TMEM229B: variants seen among roughly 807,000 people sequenced by gnomAD.
TMEM229B encodes the protein chromosome 14 open reading frame 83.
In TMEM229B, 6 loss-of-function variants were observed where a neutral mutation model predicts 13.7. The ratio of observed to expected loss-of-function variants is 0.44; its 90% CI spans 0.24 to 0.86. TMEM229B has a LOEUF of 0.86. TMEM229B is among the 40% of genes least tolerant of loss of function. TMEM229B has a pLI of 0.23. For synonymous variants in TMEM229B, 107 were observed against 102.1 expected, an observed-to-expected ratio of 1.05 and a Z score of -0.29; for missense variants, 170 against 236.0, an observed-to-expected ratio of 0.72 and a Z score of 1.83.
intron 1 of TMEM229B, among the ~76,000 whole-genome samples, chr14:67,497,096 C>G (rs936392687): frequency 6.7e-6 from 1 of 150,006 alleles, no homozygotes; most frequent in African/African-American, 2.5e-5. Context: ...CTTTCTTTCT[C>G]TCTCTCTCTT....
upstream of TMEM229B, among the ~76,000 whole-genome samples, chr14:67,490,509 G>A (rs942732887): frequency 3.3e-5 from 5 of 152,224 alleles, no homozygotes; most frequent in Admixed American, 3.3e-4. Context: ...TTTCTACAAT[G>A]TGCTGGCACT....
upstream of TMEM229B, among the ~76,000 whole-genome samples, chr14:67,519,525 C>T (rs1053830095): frequency 1.3e-5 from 2 of 152,114 alleles, no homozygotes; most frequent in African/African-American, 2.4e-5. Flanking sequence ...AGGGAAGGGT[C>T]CATCCGGATA....
At chr14:67,530,964 C>T (rs1252231139) in intron 1 of TMEM229B, among the ~76,000 whole-genome samples, 2 of 152,222 alleles carry the variant, frequency 1.3e-5, no homozygotes, top group Non-Finnish European at 2.9e-5. Context: ...ACTAAATTGG[C>T]TCAGACCAGT....
intron 1 of TMEM229B, among the ~76,000 whole-genome samples, chr14:67,532,846 C>T (rs1036060095): frequency 8.5e-5 from 13 of 152,380 alleles, no homozygotes; most frequent in Non-Finnish European, 1.2e-4. Context: ...ATGCTGGAAC[C>T]TTTGGCGGAG....
upstream of TMEM229B, among the ~76,000 whole-genome samples, chr14:67,518,010 A>G (rs1305753987): frequency 6.6e-6 from 1 of 152,174 alleles, no homozygotes; most frequent in African/African-American, 2.4e-5. Flanking sequence ...CTGGCTTTTC[A>G]CCCAAAGAAT....
chr14:67,493,631 C>T (rs1442668722), upstream of TMEM229B, among the ~76,000 whole-genome samples: 1 of 152,086 alleles, frequency 6.6e-6, no homozygotes, highest in Non-Finnish European at 1.5e-5. Flanking sequence ...CTGTCAATAC[C>T]CTGCCTGTTG....
chr14:67,517,229 C>T (rs2033219780), upstream of TMEM229B, among the ~76,000 whole-genome samples: 2 of 152,186 alleles, frequency 1.3e-5, no homozygotes, highest in African/African-American at 4.8e-5. Flanking sequence ...GCCACGAAGG[C>T]ATAGTACGCC....
chr14:67,473,351 C>A lies in TMEM229B; in HGVS notation c.*69G>T. On this transcript the variant is annotated 3_prime_UTR_variant, in exon 3 of 3. Coordinates refer to ENST00000554480, the MANE Select transcript of TMEM229B (RefSeq NM_001348543.2). This position sits in a 1 kb window ranked among gnomAD's most constrained non-coding sequence, Gnocchi z 6.5. ...GGCTTTTGCTGCATGGATGGGGCAA[C>A]CTCACCAGCTTGGTCTCTTTGTCCA... The A allele has an allele frequency of 6.4e-7, 1 of 1,569,574 alleles. No homozygotes were observed. Among genetic ancestry groups the A allele is most frequent in the African/African-American group, 1.4e-5 (1 of 74,068 alleles).
At chr14:67,507,147 G>A (rs1041769429) in intron 1 of TMEM229B, among the ~76,000 whole-genome samples, 2 of 152,106 alleles carry the variant, frequency 1.3e-5, no homozygotes, top group Non-Finnish European at 2.9e-5. Context: ...GCAACAGAGG[G>A]GGTTATACTC....
At chr14:67,501,228 G>A (rs1388283568) in intron 1 of TMEM229B, among the ~76,000 whole-genome samples, 2 of 152,122 alleles carry the variant, frequency 1.3e-5, no homozygotes, top group Non-Finnish European at 2.9e-5. Context: ...CAGAGTCATG[G>A]CAGTGGAGTT....
At chr14:67,497,408 T>G (rs1374765376) in intron 1 of TMEM229B, among the ~76,000 whole-genome samples, 2 of 151,902 alleles carry the variant, frequency 1.3e-5, no homozygotes, top group Non-Finnish European at 2.9e-5. Context: ...GGGCCCTCCT[T>G]CCAGTGCCGG....
At chr14:67,525,033 T>C (rs974236082) in intron 1 of TMEM229B, among the ~76,000 whole-genome samples, 3 of 152,344 alleles carry the variant, frequency 2.0e-5, no homozygotes, top group Non-Finnish European at 4.4e-5. Flanking sequence ...CTCGGCTTTC[T>C]ACTTACTCAT....
upstream of TMEM229B, among the ~76,000 whole-genome samples, chr14:67,489,918 A>G (rs2032092291): frequency 6.6e-6 from 1 of 151,878 alleles, no homozygotes; most frequent in East Asian, 1.9e-4. Context: ...TGAACCTGGG[A>G]GGCAGAGCTT....
At chr14:67,483,258 G>C (rs1455311778) in intron 2 of TMEM229B, among the ~76,000 whole-genome samples, 1 of 152,146 alleles carries the variant, frequency 6.6e-6, no homozygotes, top group Non-Finnish European at 1.5e-5. Flanking sequence ...TGATCTGCCT[G>C]CCTCGGCCTC....
intron 2 of TMEM229B, among the ~76,000 whole-genome samples, chr14:67,483,446 A>G (rs1305866777): frequency 6.6e-6 from 1 of 151,926 alleles, no homozygotes; most frequent in Non-Finnish European, 1.5e-5. Flanking sequence ...GGGCACTACC[A>G]TTTTCTGAGT....
intron 1 of TMEM229B, among the ~76,000 whole-genome samples, chr14:67,505,441 C>T (rs2032783104): frequency 2.6e-5 from 4 of 152,194 alleles, no homozygotes; most frequent in Admixed American, 2.6e-4. Flanking sequence ...CACACGTTGG[C>T]CATCTGCTGT....
exon 1 of TMEM229B, chr14:67,515,328 G>T (rs1326520045): frequency 1.9e-5 from 3 of 159,276 alleles, no homozygotes; most frequent in South Asian, 3.6e-4. Context: ...GCCTAGTCCC[G>T]CATTGTGTGT....
chr14:67,475,076 C>T (rs948519535), intron 2 of TMEM229B, among the ~76,000 whole-genome samples: 1 of 151,992 alleles, frequency 6.6e-6, no homozygotes, highest in Non-Finnish European at 1.5e-5. Context: ...CCATCATGCC[C>T]GGCTAATTTT....
At chr14:67,477,347 A>G (rs1000478297) in intron 2 of TMEM229B, among the ~76,000 whole-genome samples, 1 of 152,078 alleles carries the variant, frequency 6.6e-6, no homozygotes, top group South Asian at 2.1e-4. Flanking sequence ...TCATTCTGTT[A>G]GGCGTGCCTT....
Sources: gnomAD v4.1 joint callset for allele counts (sites outside exome capture counted in the v4.1 genomes callset) on GRCh38, gnomAD v4.1.1 for gene constraint, Gnocchi (gnomAD v3.1) non-coding constraint, MANE v1.5 for transcripts, NCBI Gene and HGNC (gene_info 2026-07-23, HGNC 2026-07-21) for gene names.